Variants in PNKP observed in about 807,000 individuals in gnomAD.
The protein encoded by PNKP is polynucleotide kinase 3'-phosphatase, also known as bifunctional polynucleotide phosphatase/kinase.
PNKP carries 82 observed loss-of-function variants against 66.2 expected under a neutral mutation model. The observed-to-expected ratio is 1.24, with a 90% CI of 1.04 to 1.49. PNKP has a LOEUF of 1.49. PNKP is among the 40% of genes most tolerant of loss of function. The pLI, the probability that PNKP is intolerant of heterozygous loss-of-function variation, is 0.00. For missense variants in PNKP, 907 were observed against 706.8 expected, an observed-to-expected ratio of 1.28 and a Z score of -3.21; for synonymous variants, 412 against 298.9, an observed-to-expected ratio of 1.38 and a Z score of -3.90.
Position 49,862,052 on chromosome 19 carries a change from C to T in PNKP, c.1180G>A (p.Val394Met). ...KHLVSAGYVH[V>M]NRDTLGSWQR... ...CAAAAGCCTGGTCATACCCTGTTCACGTGGACATATCCGGCCGACACGAGG... is the reference window on the plus strand; with the variant it reads ...CAAAAGCCTGGTCATACCCTGTTCATGTGGACATATCCGGCCGACACGAGG... Residue 394 changes from valine to methionine, a missense_variant, in exon 13 of 17, where the codon GTG (valine) becomes ATG (methionine). Coordinates refer to ENST00000322344, the MANE Select transcript of PNKP (RefSeq NM_007254.4). The T allele has an allele frequency of 1.2e-6, 2 of 1,614,144 alleles. No homozygotes were observed. Among genetic ancestry groups the T allele is most frequent in the South Asian group, 2.2e-5 (2 of 91,082 alleles).
chr19:49,862,749 C>A lies in PNKP; in HGVS notation c.817-11G>T. Reference sequence around the variant, plus strand: ...CGTGCCGTCGTTGGCCTACGGGAGACGGTAGTGAGGAGGCCCTTCCCACAA... The same window carrying A: ...CGTGCCGTCGTTGGCCTACGGGAGAAGGTAGTGAGGAGGCCCTTCCCACAA... On this transcript the variant is annotated splice_polypyrimidine_tract_variant and intron_variant, in intron 8 of 16. Coordinates refer to ENST00000322344, the MANE Select transcript of PNKP (RefSeq NM_007254.4). 1 of 1,614,052 alleles carries A rather than the reference C, an allele frequency of 6.2e-7. No homozygotes were observed. Among genetic ancestry groups the A allele is most frequent in the South Asian group, 1.1e-5 (1 of 91,088 alleles).
At chr19:49,863,845 A>C (rs369298326) in intron 7 of PNKP, 85 bp from the exon 8 acceptor site, 13 of 1,377,646 alleles carry the variant, frequency 9.4e-6, no homozygotes, top group African/African-American at 4.3e-5. Context: ...GTAGCTGATG[A>C]TGGGTTCCTA....
chr19:49,861,785 C>CGGCGTCT lies in PNKP; in HGVS notation c.1278_1284dup (p.Ala429ArgfsTer67). On this transcript the variant is annotated frameshift_variant, in exon 14 of 17. Transcript: ENST00000322344. LOFTEE classifies it high-confidence loss of function. ...CGGTCACGCTACCTGGCGCGGCTCG[C>CGGCGTCT]GGCGTCTGGGTTTGTGTTGTCGATG... 1 of 1,566,094 alleles carries CGGCGTCT rather than the reference C, an allele frequency of 6.4e-7. No homozygotes were observed. Among genetic ancestry groups the CGGCGTCT allele is most frequent in the Non-Finnish European group, 8.6e-7 (1 of 1,158,520 alleles).
At chr19:49,866,882 C>G in intron 2 of PNKP, 172 bp downstream of exon 2, 1 of 730,066 alleles carries the variant, frequency 1.4e-6, no homozygotes, top group Non-Finnish European at 2.5e-6. Context: ...CCCAAAGGAT[C>G]TAGCTAATTC....
intron 16 of PNKP, 23 bp downstream of exon 16, chr19:49,861,426 C>A (rs1568658080): frequency 6.2e-7 from 1 of 1,613,982 alleles, no homozygotes; most frequent in East Asian, 2.2e-5. Flanking sequence ...AGTGCCCCTG[C>A]CCCCTGCTAT....
In PNKP at chr19:49,867,512, G is replaced by T; in HGVS notation, c.-57C>A. 2.3e-6 allele frequency: 1 copy of T among 426,298 alleles called. No individual in the cohort carries two copies. The highest frequency in any genetic ancestry group is 4.4e-5 in the East Asian group (1 of 22,590). 26.4% of individuals were successfully genotyped at this position (426,298 alleles called of 1,614,324 possible). On this transcript the variant is annotated 5_prime_UTR_variant, in exon 1 of 17. Coordinates refer to ENST00000322344, the MANE Select transcript of PNKP (RefSeq NM_007254.4). ...CTCACGGCCACTTCCGACCAGGGAG[G>T]TCCTGCCCGAGGTGCCCCGCCTGCA...
Position 49,864,005 on chromosome 19 carries a change from T to G in PNKP, c.703A>C (p.Lys235Gln). ...GKLPAEEFKA[K>Q]VEAVVEKLGV... Reference sequence around the variant, plus strand: ...AGCTTCTCCACCACAGCCTCCACCTTGGCCTTGAACTCCTCGGCTGGCAGC... The same window carrying G: ...AGCTTCTCCACCACAGCCTCCACCTGGGCCTTGAACTCCTCGGCTGGCAGC... Residue 235 changes from lysine to glutamine, a missense_variant, in exon 7 of 17, where the codon AAG (lysine) becomes CAG (glutamine). Lys to Gln is a moderately conservative substitution (Grantham distance 53). Coordinates refer to ENST00000322344, the MANE Select transcript of PNKP (RefSeq NM_007254.4). 1.9e-6 allele frequency: 3 copies of G among 1,614,072 alleles called. No individual in the cohort carries two copies. Among genetic ancestry groups the G allele is most frequent in the Non-Finnish European group, 2.5e-6 (3 of 1,180,012 alleles).
At chr19:49,861,543 G>A (rs745509243) in intron 15 of PNKP, 33 bp from the exon 16 acceptor site, 2 of 1,605,034 alleles carry the variant, frequency 1.2e-6, no homozygotes, top group East Asian at 4.5e-5. Context: ...GGCAGGCCCA[G>A]GGGTCAGGGG....
Position 49,861,607 on chromosome 19 carries a change from C to G in PNKP, c.1386+1G>C, listed in dbSNP as rs1057520630. 2 of 1,558,638 alleles carry G rather than the reference C, an allele frequency of 1.3e-6. No individual in the cohort carries two copies. Among genetic ancestry groups the G allele is most frequent in the Non-Finnish European group, 1.7e-6 (2 of 1,152,222 alleles). ...GGGGTGTCCGGGCTGAGCGGGCTCA[C>G]CCGGTTGTTGTGGCGCGCCTGCTCC... On this transcript the variant is annotated splice_donor_variant, in intron 15 of 16. Transcript: ENST00000322344. LOFTEE classifies it high-confidence loss of function.
chr19:49,864,097 C>T (rs781246709), intron 6 of PNKP, 26 bp from the exon 7 acceptor site: 30 of 1,611,240 alleles, frequency 1.9e-5, no homozygotes, highest in South Asian at 8.8e-5. Flanking sequence ...TGTCACCAGA[C>T]GCTCTGCTCA....
In PNKP at chr19:49,863,988, C is replaced by T. The variant is rs1428396282; in HGVS notation, c.720G>A (p.Val240=). 4 of 1,613,888 alleles carry T rather than the reference C, an allele frequency of 2.5e-6. No homozygotes were observed. Among genetic ancestry groups the T allele is most frequent in the Non-Finnish European group, 8.5e-7 (1 of 1,179,826 alleles). ...CCTGGAAGGGGACCCCCAGCTTCTC[C>T]ACCACAGCCTCCACCTTGGCCTTGA... ...EEFKAKVEAV[V]EKLGVPFQVL... is the part of the protein sequence containing the mutation. Residue 240 remains valine (V), a synonymous_variant, in exon 7 of 17, where the codon GTG becomes GTA. Coordinates refer to ENST00000322344, the MANE Select transcript of PNKP (RefSeq NM_007254.4).
At position 49,861,814 on chromosome 19, in the gene PNKP, A is replaced by T. The variant is rs748365843; in HGVS notation, c.1256T>A (p.Val419Asp). Reference protein sequence around the residue: ...CETALKQGKRVAIDNTNPDAA... With the variant: ...CETALKQGKRDAIDNTNPDAA... The stretch of plus-strand genomic sequence containing the variant: ...GTCTGGGTTTGTGTTGTCGATGGCG[A>T]CCCGTTTCCCTTGCTTCAGGGCTGT... The change falls in exon 14 of 17, where the codon GTC (valine) becomes GAC (aspartate). Residue 419 changes from valine (V) to aspartate (D), a missense_variant. Coordinates refer to ENST00000322344, the MANE Select transcript of PNKP (RefSeq NM_007254.4). The T allele has an allele frequency of 2.5e-6, 4 of 1,583,262 alleles. No individual in the cohort carries two copies. In the African/African-American group the frequency reaches 4.1e-5, roughly 16 times the overall value.
chr19:49,861,241 G>GC lies in PNKP; in HGVS notation c.*6dup, dbSNP rs1568657690. 6.4e-7 allele frequency: 1 copy of GC among 1,552,748 alleles called. No homozygotes were observed. The highest frequency in any genetic ancestry group is 2.2e-5 in the East Asian group (1 of 44,572). On this transcript the variant is annotated 3_prime_UTR_variant, in exon 17 of 17. Coordinates refer to ENST00000322344, the MANE Select transcript of PNKP (RefSeq NM_007254.4). ...AGCGTTTATTGTGGAGGGGAGCTGG[G>GC]CGGGGCTCAGCCCTCGGAGAACTGG...
intron 4 of PNKP, 150 bp from the exon 5 acceptor site, chr19:49,864,553 A>C: frequency 2.8e-6 from 2 of 724,724 alleles, no homozygotes; most frequent in Non-Finnish European, 5.0e-6. Context: ...CCTCCATCTC[A>C]AGCATCCGTG....
At chr19:49,865,037 AG>A (rs2074807532) in intron 4 of PNKP, 89 bp downstream of exon 4, 1 of 1,047,928 alleles carries the variant, frequency 9.5e-7, no homozygotes, top group Non-Finnish European at 1.5e-6. Flanking sequence ...CAGAAAAGTA[AG>A]TAGAGGCTAA....
chr19:49,866,050 T>C, intron 3 of PNKP: 1 of 375,460 alleles, frequency 2.7e-6, no homozygotes, highest in Admixed American at 4.0e-5. Flanking sequence ...TCTCGCTCTG[T>C]CACCCAGGCT....
At position 49,861,777 on chromosome 19, in the gene PNKP, G is replaced by C; in HGVS notation, c.1293C>G (p.Arg431=). 2 of 1,562,410 alleles carry C rather than the reference G, an allele frequency of 1.3e-6. No homozygotes were observed. Among genetic ancestry groups the C allele is most frequent in the South Asian group, 1.2e-5 (1 of 85,382 alleles). The change falls in exon 14 of 17, where the codon CGC becomes CGG. Residue 431 remains arginine, a synonymous_variant. Transcript: ENST00000322344. The part of the protein sequence containing the change: ...IDNTNPDAAS[R]ARYVQCARAA... Reference sequence around the variant, plus strand: ...CGGCCCCGCGGTCACGCTACCTGGCGCGGCTCGCGGCGTCTGGGTTTGTGT... The same window carrying C: ...CGGCCCCGCGGTCACGCTACCTGGCCCGGCTCGCGGCGTCTGGGTTTGTGT...
Position 49,861,206 on chromosome 19 carries a change from A to C in PNKP, c.*42T>G, listed in dbSNP as rs115649718. ...TTCCAGCAAAATGCCGGCCAAGCTC[A>C]AGGAGAAACAGCGTTTATTGTGGAG... is the stretch of plus-strand genomic sequence containing the variant. On this transcript the variant is annotated 3_prime_UTR_variant, in exon 17 of 17. Transcript: ENST00000322344. 273 of 1,380,278 alleles carry C rather than the reference A, an allele frequency of 2.0e-4. No individual in the cohort carries two copies. In the African/African-American group the frequency reaches 3.0e-3, roughly 15 times the overall value. 85.5% of individuals were successfully genotyped at this position (1,380,278 alleles called of 1,614,324 possible).
At chr19:49,867,241 G>C (rs747192939) in intron 1 of PNKP, 24 bp from the exon 2 acceptor site, 29 of 1,586,624 alleles carry the variant, frequency 1.8e-5, no homozygotes, top group Non-Finnish European at 2.5e-5. Context: ...AAACGGGCTT[G>C]AGCGGCGCAC....
Sources: allele counts gnomAD v4.1 joint callset, GRCh38; gene constraint gnomAD v4.1.1; transcripts MANE v1.5; gene names NCBI Gene and HGNC (gene_info 2026-07-23, HGNC 2026-07-21).